PSD3: variants seen among roughly 807,000 people sequenced by gnomAD.
PSD3 encodes PH and SEC7 domain-containing protein 3.
In PSD3, 49 loss-of-function variants were observed where a neutral mutation model predicts 105.5. The observed-to-expected ratio is 0.46, with a 90% CI of 0.37 to 0.59. PSD3 has a LOEUF of 0.59. Ranked by LOEUF, PSD3 falls within the 20% of genes least tolerant of loss-of-function variation. The probability of loss-of-function intolerance (pLI) is 0.00; values close to 1 mark genes in which losing one functional copy is unlikely to be tolerated. For synonymous variants in PSD3, 557 were observed against 457.8 expected (o/e 1.22, Z -2.77); for missense variants, 1,561 against 1,263.8 (o/e 1.24, Z -3.57).
intron 11 of PSD3, among the ~76,000 whole-genome samples, chr8:18,617,363 T>C (rs1805773316): frequency 6.6e-6 from 1 of 152,010 alleles, no homozygotes. Context: ...AAACCCCATC[T>C]CTACTAAAAA....
chr8:18,677,739 C>T (rs561780525), intron 9 of PSD3, among the ~76,000 whole-genome samples: 23 of 152,260 alleles, frequency 1.5e-4, no homozygotes, highest in Admixed American at 3.3e-4. Context: ...TGACTGGGCA[C>T]GGTGGCTTAC....
At chr8:18,955,173 C>A (rs56401377) in intron 1 of PSD3, among the ~76,000 whole-genome samples, 2 of 152,006 alleles carry the variant, frequency 1.3e-5, no homozygotes, top group Admixed American at 6.5e-5. Context: ...AAGATTCCCC[C>A]GGCATCTCCT....
At chr8:18,729,704 C>T (rs2129430711) in intron 9 of PSD3, among the ~76,000 whole-genome samples, 1 of 152,270 alleles carries the variant, frequency 6.6e-6, no homozygotes, top group Non-Finnish European at 1.5e-5. Context: ...CTCTAAATAG[C>T]TTGCACTCTC....
chr8:19,044,097 A>C (rs1009297510), intron 1 of PSD3, among the ~76,000 whole-genome samples: 1 of 152,232 alleles, frequency 6.6e-6, no homozygotes, highest in African/African-American at 2.4e-5. Context: ...CCACAGTCAG[A>C]AGCAAGTAAG....
chr8:18,632,552 T>C, intron 11 of PSD3, 61 bp downstream of exon 11: 1 of 1,517,680 alleles, frequency 6.6e-7, no homozygotes, highest in Non-Finnish European at 9.0e-7. Flanking sequence ...TAAATTCCCT[T>C]TAAATTTTGA....
chr8:18,786,554 T>C (rs1319734602), intron 8 of PSD3, among the ~76,000 whole-genome samples: 1 of 152,182 alleles, frequency 6.6e-6, no homozygotes, highest in Admixed American at 6.5e-5. Flanking sequence ...TTGACTCACG[T>C]GGACTTTGAA....
chr8:18,803,448 C>T (rs1372507321), intron 6 of PSD3, among the ~76,000 whole-genome samples: 2 of 137,466 alleles, frequency 1.5e-5, no homozygotes, highest in Non-Finnish European at 3.1e-5. Context: ...AACCAAACTC[C>T]CTACTCAAAA....
At chr8:18,882,821 T>C (rs192628316) in intron 2 of PSD3, among the ~76,000 whole-genome samples, 3 of 147,198 alleles carry the variant, frequency 2.0e-5, no homozygotes, top group East Asian at 3.9e-4. Flanking sequence ...TATATATACA[T>C]ATATATAGCT....
chr8:18,783,159 A>C (rs140422052), intron 8 of PSD3, among the ~76,000 whole-genome samples: 1 of 151,592 alleles, frequency 6.6e-6, no homozygotes, highest in Non-Finnish European at 1.5e-5. Flanking sequence ...TGATTACTAA[A>C]CTCTTCACTT....
At chr8:18,660,817 C>T (rs561960702) in intron 9 of PSD3, among the ~76,000 whole-genome samples, 4 of 152,330 alleles carry the variant, frequency 2.6e-5, no homozygotes, top group Admixed American at 2.0e-4. Context: ...AGCCAGATCA[C>T]AATCACATAC....
intron 4 of PSD3, among the ~76,000 whole-genome samples, chr8:18,805,701 C>T (rs1377560726): frequency 1.3e-5 from 2 of 152,174 alleles, no homozygotes; most frequent in East Asian, 1.9e-4. Context: ...TGTGTTGACA[C>T]ATTTCATTAT....
chr8:18,833,546 A>G (rs1813852897), intron 4 of PSD3, among the ~76,000 whole-genome samples: 1 of 152,234 alleles, frequency 6.6e-6, no homozygotes, highest in African/African-American at 2.4e-5. Context: ...GTGAAATTTT[A>G]AGGCTCCAAG....
At chr8:18,753,587 CAAAT>C (rs1418345851) in intron 9 of PSD3, among the ~76,000 whole-genome samples, 2 of 151,982 alleles carry the variant, frequency 1.3e-5, no homozygotes, top group Non-Finnish European at 2.9e-5. Flanking sequence ...TTAAAACAAG[CAAAT>C]AAAATGTTTT....
intron 9 of PSD3, among the ~76,000 whole-genome samples, chr8:18,746,049 G>C (rs945440055): frequency 3.3e-5 from 5 of 152,220 alleles, no homozygotes; most frequent in African/African-American, 1.2e-4. Context: ...TGAAAGCTGA[G>C]CTACAAGTTA....
chr8:18,954,238 C>G (rs1823416053), intron 1 of PSD3, among the ~76,000 whole-genome samples: 1 of 151,866 alleles, frequency 6.6e-6, no homozygotes, highest in East Asian at 1.9e-4. Context: ...AATAAAAAAC[C>G]AAGATACCTG....
At chr8:18,995,583 G>A (rs1484706191) in intron 1 of PSD3, among the ~76,000 whole-genome samples, 1 of 151,972 alleles carries the variant, frequency 6.6e-6, no homozygotes, top group African/African-American at 2.4e-5. Context: ...GTGCACCAGT[G>A]TATTAGTCTG....
chr8:18,729,263 G>A (rs1017853580), intron 9 of PSD3, among the ~76,000 whole-genome samples: 1 of 152,136 alleles, frequency 6.6e-6, no homozygotes, highest in Non-Finnish European at 1.5e-5. Flanking sequence ...TCATAATTAT[G>A]CATTCTGTAA....
chr8:18,957,030 G>A (rs1206144582), intron 1 of PSD3, among the ~76,000 whole-genome samples: 3 of 152,146 alleles, frequency 2.0e-5, no homozygotes, highest in Admixed American at 1.3e-4. Flanking sequence ...AGTAAGCAGT[G>A]ACTGCCAATT....
At chr8:18,983,210 C>T (rs548546237) in intron 1 of PSD3, among the ~76,000 whole-genome samples, 9 of 152,310 alleles carry the variant, frequency 5.9e-5, no homozygotes, top group Admixed American at 3.9e-4. Flanking sequence ...CTTACCTCTA[C>T]CTCTCTCAGC....
Sources: allele counts gnomAD v4.1 joint callset (sites outside exome capture counted in the v4.1 genomes callset), GRCh38; gene constraint gnomAD v4.1.1; transcripts MANE v1.5; gene names NCBI Gene and HGNC (gene_info 2026-07-23, HGNC 2026-07-21).